CSMD1: variants seen among roughly 807,000 people sequenced by gnomAD.
CSMD1 encodes CUB and Sushi multiple domains 1.
A neutral mutation model predicts 417.5 loss-of-function variants in CSMD1; 213 were observed. That is an observed-to-expected ratio of 0.51 (90% CI 0.46 to 0.57). CSMD1 has a LOEUF of 0.57. Among genes scored for constraint, CSMD1 ranks in the 20% least tolerant of loss-of-function variants. The pLI, the probability that CSMD1 is intolerant of heterozygous loss-of-function variation, is 0.00. For missense variants in CSMD1, 6,923 were observed against 4,529.7 expected, an observed-to-expected ratio of 1.53 and a Z score of -15.17; for synonymous variants, 2,862 against 1,736.8, an observed-to-expected ratio of 1.65 and a Z score of -16.11.
chr8:3,856,553 G>T (rs978163732), intron 5 of CSMD1, among the ~76,000 whole-genome samples: 6 of 152,144 alleles, frequency 3.9e-5, no homozygotes, highest in African/African-American at 1.4e-4. Flanking sequence ...TCCACATCAT[G>T]CGGCACTGGG....
chr8:3,685,814 G>C (rs1799917078), intron 7 of CSMD1, among the ~76,000 whole-genome samples: 1 of 152,014 alleles, frequency 6.6e-6, no homozygotes, highest in African/African-American at 2.4e-5. Context: ...AAGTACATGA[G>C]ATGTTTTGAC....
At chr8:4,137,225 T>C (rs1248894948) in intron 3 of CSMD1, among the ~76,000 whole-genome samples, 1 of 152,234 alleles carries the variant, frequency 6.6e-6, no homozygotes. Flanking sequence ...CTTTAATTAA[T>C]TCTCCATGAT....
At chr8:3,925,045 G>A (rs1168923277) in intron 5 of CSMD1, among the ~76,000 whole-genome samples, 3 of 152,184 alleles carry the variant, frequency 2.0e-5, no homozygotes, top group African/African-American at 7.2e-5. Flanking sequence ...TAGAGATACT[G>A]TGGGTCTCTG....
chr8:4,242,420 A>G (rs926705135), intron 3 of CSMD1, among the ~76,000 whole-genome samples: 1 of 152,194 alleles, frequency 6.6e-6, no homozygotes, highest in African/African-American at 2.4e-5. Flanking sequence ...GAAAAGGATA[A>G]AATGTATCAT....
chr8:3,222,943 G>A (rs1407510471), intron 28 of CSMD1, among the ~76,000 whole-genome samples: 1 of 152,164 alleles, frequency 6.6e-6, no homozygotes, highest in Non-Finnish European at 1.5e-5. Context: ...GAAAAGGAAA[G>A]TCGTTCCATT....
intron 5 of CSMD1, among the ~76,000 whole-genome samples, chr8:3,974,912 A>T (rs1813329579): frequency 6.6e-6 from 1 of 152,328 alleles, no homozygotes; most frequent in South Asian, 2.1e-4. Flanking sequence ...TATCTACTAC[A>T]ATAAAATTAT....
intron 3 of CSMD1, among the ~76,000 whole-genome samples, chr8:4,114,238 T>C (rs1246360850): frequency 6.6e-6 from 1 of 152,210 alleles, no homozygotes; most frequent in Non-Finnish European, 1.5e-5. Context: ...TGTTTAACAT[T>C]TTGAAAATCC....
intron 26 of CSMD1, among the ~76,000 whole-genome samples, chr8:3,250,902 A>G (rs1800207502): frequency 6.6e-6 from 1 of 152,048 alleles, no homozygotes; most frequent in Admixed American, 6.6e-5. Context: ...CCACTTGTTG[A>G]TGGGGTTATT....
chr8:3,347,456 C>G (rs1015992654), intron 22 of CSMD1, among the ~76,000 whole-genome samples: 4 of 152,208 alleles, frequency 2.6e-5, no homozygotes, highest in African/African-American at 9.6e-5. Flanking sequence ...TTCTCCTCAT[C>G]AGCCCTGTCT....
At chr8:3,947,960 C>G (rs1189773432) in intron 5 of CSMD1, among the ~76,000 whole-genome samples, 2 of 152,164 alleles carry the variant, frequency 1.3e-5, no homozygotes, top group Non-Finnish European at 1.5e-5. Context: ...AATCCCAGCA[C>G]TTTGGGAGGC....
chr8:3,982,906 A>G (rs995020543), intron 5 of CSMD1, among the ~76,000 whole-genome samples: 1 of 152,166 alleles, frequency 6.6e-6, no homozygotes, highest in Non-Finnish European at 1.5e-5. Context: ...CTTTACAATA[A>G]CTTTGAAAAA....
chr8:3,082,413 C>G (rs1814170117), intron 49 of CSMD1, among the ~76,000 whole-genome samples: 2 of 152,206 alleles, frequency 1.3e-5, no homozygotes, highest in Non-Finnish European at 2.9e-5. Context: ...GTCCCCTTCA[C>G]ATTCCAGCTC....
chr8:3,761,500 ATTTTTTT>A (rs57655479), intron 5 of CSMD1, among the ~76,000 whole-genome samples: 30 of 93,362 alleles, frequency 3.2e-4, no homozygotes, highest in Non-Finnish European at 5.3e-4. Flanking sequence ...CAAAACGACC[ATTTTTTT>A]TTTTTTTTTT....
chr8:4,834,865 G>A (rs1167692504), intron 1 of CSMD1, among the ~76,000 whole-genome samples: 1 of 139,030 alleles, frequency 7.2e-6, no homozygotes, highest in Non-Finnish European at 1.5e-5. Flanking sequence ...GCTGAGGCAG[G>A]AGAAAGGCGG....
At chr8:4,532,033 C>G (rs1196234944) in intron 2 of CSMD1, among the ~76,000 whole-genome samples, 1 of 149,718 alleles carries the variant, frequency 6.7e-6, no homozygotes, top group Non-Finnish European at 1.5e-5. Flanking sequence ...AAATCCTGCA[C>G]CCCCATTCAG....
intron 3 of CSMD1, among the ~76,000 whole-genome samples, chr8:4,081,122 TCTG>T (rs1800107820): frequency 6.6e-6 from 1 of 152,136 alleles, no homozygotes. Context: ...AGACACCAAA[TCTG>T]CTGAACTCTT....
chr8:4,152,718 T>TAC lies in CSMD1; in HGVS notation c.416-120621_416-120620dup, dbSNP rs565727046. On this transcript the variant is annotated intron_variant, in intron 3 of 69. Transcript: ENST00000635120. Reference sequence around the variant, plus strand: ...AAAGAAAAAAAAAATCCTTTACATATACACACACACAATAGATATATACGT... The same window carrying TAC: ...AAAGAAAAAAAAAATCCTTTACATATACACACACACACAATAGATATATACGT... Among the ~76,000 whole-genome samples the TAC allele has an allele frequency of 1.1e-4, 16 of 151,916 alleles. No individual in the cohort carries two copies. The East Asian group carries it at 2.7e-3, about 26-fold the overall frequency.
chr8:3,188,064 G>GTATATATATATATATA (rs970450736), intron 35 of CSMD1, 99 bp from the exon 36 acceptor site: 1 of 511,430 alleles, frequency 2.0e-6, no homozygotes, highest in African/African-American at 2.1e-5. Flanking sequence ...AGGTGTATAT[G>GTATATATATATATATA]TATATATATA....
Position 4,215,758 on chromosome 8 carries a change from C to G in CSMD1, c.416-183659G>C, listed in dbSNP as rs571764984. 1.1e-3 allele frequency among the ~76,000 whole-genome samples: 166 copies of G among 152,040 alleles called. 2 individuals carry two copies. Among genetic ancestry groups the G allele is most frequent in the African/African-American group, 9.9e-4 (41 of 41,482 alleles). On this transcript the variant is annotated intron_variant, in intron 3 of 69. Transcript: ENST00000635120. ...TGAGTAATACTTCCTGTCACTTTTT[C>G]TTTAAAACATTGTTTTCTTGGTGGA...
Sources: gnomAD v4.1 joint callset for allele counts (sites outside exome capture counted in the v4.1 genomes callset) on GRCh38, gnomAD v4.1.1 for gene constraint, MANE v1.5 for transcripts, NCBI Gene and HGNC (gene_info 2026-07-23, HGNC 2026-07-21) for gene names.